The following GSE1 variants were observed in gnomAD, a reference collection of about 807,000 sequenced individuals.
GSE1 encodes the protein genetic suppressor element 1.
In GSE1, 32 loss-of-function variants were observed where a neutral mutation model predicts 112.6. That is an observed-to-expected ratio of 0.28 (90% CI 0.21 to 0.38). The LOEUF is 0.38. Among genes scored for constraint, GSE1 ranks in the 10% least tolerant of loss-of-function variants. The pLI is 1.00. For missense variants in GSE1, 2,348 were observed against 1,699.2 expected (o/e 1.38, Z -6.71); for synonymous variants, 1,115 against 735.6 (o/e 1.52, Z -8.35).
intron 2 of GSE1, among the ~76,000 whole-genome samples, chr16:85,638,926 G>A (rs1205257165): frequency 6.6e-6 from 1 of 152,124 alleles, no homozygotes; most frequent in Non-Finnish European, 1.5e-5. Flanking sequence ...AGTGGTGCAG[G>A]GTGCAGGCAG....
chr16:85,374,523 T>TGC (rs1194900104), intron 2 of GSE1, among the ~76,000 whole-genome samples: 51 of 53,964 alleles, frequency 9.5e-4, no homozygotes, highest in African/African-American at 1.9e-3. Context: ...TGTCAGTGTG[T>TGC]GCGTGTGTGT....
intron 1 of GSE1, among the ~76,000 whole-genome samples, chr16:85,239,589 C>CA (rs1370191630): frequency 6.6e-6 from 1 of 152,198 alleles, no homozygotes; most frequent in East Asian, 1.9e-4. Flanking sequence ...AGCACCTTCC[C>CA]ACCTAACCTG....
At chr16:85,520,367 G>T (rs1460010615) in intron 2 of GSE1, among the ~76,000 whole-genome samples, 1 of 151,510 alleles carries the variant, frequency 6.6e-6, no homozygotes, top group Non-Finnish European at 1.5e-5. Flanking sequence ...CATTTGGATT[G>T]TAGCAGACCC....
chr16:85,225,552 T>C (rs941716279), intron 1 of GSE1, among the ~76,000 whole-genome samples: 8 of 152,220 alleles, frequency 5.3e-5, no homozygotes, highest in Admixed American at 1.3e-4. Flanking sequence ...GCATGAACCC[T>C]GTCCCTCCGC....
At chr16:85,353,235 C>T (rs1002200501) in intron 1 of GSE1, among the ~76,000 whole-genome samples, 2 of 152,182 alleles carry the variant, frequency 1.3e-5, no homozygotes, top group Non-Finnish European at 1.5e-5. Flanking sequence ...GGGGAAGAAC[C>T]CACCTCCACA....
intron 1 of GSE1, among the ~76,000 whole-genome samples, chr16:85,303,650 C>T (rs1467762025): frequency 6.6e-6 from 1 of 152,240 alleles, no homozygotes; most frequent in East Asian, 1.9e-4. Context: ...CACAGCTGGC[C>T]AGCTGCAGAC....
chr16:85,191,734 A>T (rs546082035), intron 1 of GSE1, among the ~76,000 whole-genome samples: 57 of 152,178 alleles, frequency 3.7e-4, no homozygotes, highest in Non-Finnish European at 6.8e-4. Context: ...GCCGGAACTT[A>T]TCCCTCACCT....
At chr16:85,671,525 G>C (rs111235592) in intron 15 of GSE1, among the ~76,000 whole-genome samples, 7,599 of 151,866 alleles carry the variant, frequency 0.05, 515 homozygotes, top group East Asian at 0.17. Context: ...GCTGAGGCAG[G>C]ATCACATGAG....
intron 1 of GSE1, among the ~76,000 whole-genome samples, chr16:85,234,622 G>C (rs987777260): frequency 2.0e-5 from 3 of 152,210 alleles, no homozygotes; most frequent in African/African-American, 7.2e-5. Context: ...CCAAGGCTCA[G>C]GGAGGCCCTG....
At chr16:85,316,038 C>T (rs966131398) in intron 1 of GSE1, among the ~76,000 whole-genome samples, 4 of 152,210 alleles carry the variant, frequency 2.6e-5, no homozygotes, top group African/African-American at 9.6e-5. Context: ...TCAGAGCCAT[C>T]GAATGTCCCA....
At position 85,674,030 on chromosome 16, in the gene GSE1, C is replaced by G. The variant is rs547808956; in HGVS notation, c.*1491C>G. On this transcript the variant is annotated 3_prime_UTR_variant, in exon 16 of 16. Coordinates refer to ENST00000253458, the MANE Select transcript of GSE1 (RefSeq NM_014615.5). ...GGCAAAGCAACGGGCGAGTCTTCCT[C>G]CTTGTCCTAGTTACTGCCTATGGAG... 17 of 152,288 alleles carry G rather than the reference C, an allele frequency of 1.1e-4. No homozygotes were observed. The highest frequency in any genetic ancestry group is 3.4e-4 in the African/African-American group (14 of 41,462). The allele number at this position is 152,288 out of a possible 1,614,324, so 9.4% of individuals were successfully genotyped here.
At chr16:85,384,037 T>C (rs529174318) in intron 2 of GSE1, among the ~76,000 whole-genome samples, 2 of 152,232 alleles carry the variant, frequency 1.3e-5, no homozygotes, top group South Asian at 2.1e-4. Context: ...AGTGATCACA[T>C]CCACATGGGC....
At chr16:85,537,371 C>T (rs899699987) in intron 2 of GSE1, among the ~76,000 whole-genome samples, 4 of 152,214 alleles carry the variant, frequency 2.6e-5, no homozygotes, top group Non-Finnish European at 5.9e-5. Context: ...CTCTGCCCCG[C>T]TCCTGGGAGC....
At chr16:85,283,844 A>T (rs1274143270) in intron 1 of GSE1, among the ~76,000 whole-genome samples, 1 of 152,194 alleles carries the variant, frequency 6.6e-6, no homozygotes, top group Admixed American at 6.5e-5. Context: ...AGAAAAGCTG[A>T]GGCTGCACAG....
At chr16:85,281,491 C>T (rs1440441585) in intron 1 of GSE1, among the ~76,000 whole-genome samples, 1 of 152,144 alleles carries the variant, frequency 6.6e-6, no homozygotes, top group African/African-American at 2.4e-5. Context: ...GTCTTAAATG[C>T]CAGATGAGAA....
At chr16:85,463,037 C>G (rs973653508) in intron 2 of GSE1, 2 of 950,888 alleles carry the variant, frequency 2.1e-6, no homozygotes, top group Admixed American at 6.2e-5. Flanking sequence ...TGCTGGGCAG[C>G]CCCTCCTAGA....
intron 1 of GSE1, among the ~76,000 whole-genome samples, chr16:85,197,417 T>G (rs2074948842): frequency 6.6e-6 from 1 of 152,126 alleles, no homozygotes; most frequent in Non-Finnish European, 1.5e-5. Flanking sequence ...ATATAACTGG[T>G]TTTTTGCTTA....
chr16:85,519,885 C>A (rs1049737487), intron 2 of GSE1, among the ~76,000 whole-genome samples: 2 of 152,208 alleles, frequency 1.3e-5, no homozygotes, highest in African/African-American at 4.8e-5. Flanking sequence ...TCTAGAAAGC[C>A]CGGCTGGGGG....
chr16:85,482,364 G>A (rs918534088), intron 2 of GSE1, among the ~76,000 whole-genome samples: 1 of 152,224 alleles, frequency 6.6e-6, no homozygotes, highest in Non-Finnish European at 1.5e-5. Flanking sequence ...TGCCCTGCAA[G>A]GGGATTAGAA....
Sources: gnomAD v4.1 joint callset for allele counts (sites outside exome capture counted in the v4.1 genomes callset) on GRCh38, gnomAD v4.1.1 for gene constraint, MANE v1.5 for transcripts, NCBI Gene and HGNC (gene_info 2026-07-23, HGNC 2026-07-21) for gene names.